ALK: variants seen among roughly 807,000 people sequenced by gnomAD.
ALK encodes the protein ALK receptor tyrosine kinase.
A neutral mutation model predicts 163.1 loss-of-function variants in ALK; 74 were observed. That is an observed-to-expected ratio of 0.45 (90% CI 0.38 to 0.55). ALK has a LOEUF of 0.55. Among genes scored for constraint, ALK ranks in the 20% least tolerant of loss-of-function variants. The pLI is 0.00. For missense variants in ALK, 2,063 were observed against 2,105.3 expected, an observed-to-expected ratio of 0.98 and a Z score of 0.39; for synonymous variants, 960 against 843.2, an observed-to-expected ratio of 1.14 and a Z score of -2.40.
chr2:29,193,489 A>G lies in ALK; in HGVS notation c.4598T>C (p.Leu1533Pro), dbSNP rs764298799. Residue 1533 changes from leucine (L) to proline (P), a missense_variant, in exon 29 of 29, where the codon CTG becomes CCG. Physicochemically the swap from Leu to Pro is moderately conservative, Grantham distance 98 (BLOSUM62 -3). This residue lies in a region of ALK where 403 missense variants were observed against 366.2 expected (regional missense o/e 1.10). Coordinates refer to ENST00000389048, the MANE Select transcript of ALK (RefSeq NM_004304.5). ...AKKEPHDRGN[L>P]GLEGSCTVPP... is the part of the protein sequence containing the mutation. The stretch of plus-strand genomic sequence containing the variant: ...GACAGTACAGCTTCCCTCCAGCCCC[A>G]GGTTACCCCTGTCGTGTGGCTCCTT... The G allele has an allele frequency of 6.2e-7, 1 of 1,614,130 alleles. No homozygotes were observed. Among genetic ancestry groups the G allele is most frequent in the South Asian group, 1.1e-5 (1 of 91,076 alleles).
intron 3 of ALK, among the ~76,000 whole-genome samples, chr2:29,613,763 A>C (rs1675761509): frequency 6.6e-6 from 1 of 152,256 alleles, no homozygotes; most frequent in Non-Finnish European, 1.5e-5. Context: ...CTGTCTGAAC[A>C]AAATGGCTTT....
At chr2:29,218,138 G>A (rs1336689733) in intron 23 of ALK, among the ~76,000 whole-genome samples, 2 of 152,192 alleles carry the variant, frequency 1.3e-5, no homozygotes, top group Non-Finnish European at 2.9e-5. Context: ...TTTGAAATCG[G>A]CCAAGGATCC....
intron 4 of ALK, among the ~76,000 whole-genome samples, chr2:29,502,730 T>A (rs1427592421): frequency 6.6e-6 from 1 of 152,150 alleles, no homozygotes; most frequent in Non-Finnish European, 1.5e-5. Flanking sequence ...AGTTTATGCC[T>A]CATCCTACAA....
At chr2:29,814,506 A>C (rs979575018) in intron 1 of ALK, among the ~76,000 whole-genome samples, 5 of 151,924 alleles carry the variant, frequency 3.3e-5, no homozygotes, top group African/African-American at 1.2e-4. Context: ...TAAAAATACA[A>C]AAAATTAGCT....
chr2:29,782,238 G>A (rs1419518702), intron 1 of ALK, among the ~76,000 whole-genome samples: 1 of 152,124 alleles, frequency 6.6e-6, no homozygotes, highest in Admixed American at 6.5e-5. Context: ...AGGATTCTCT[G>A]GAGTCAGGGA....
chr2:29,630,698 T>C (rs760672501), intron 3 of ALK, among the ~76,000 whole-genome samples: 1 of 152,136 alleles, frequency 6.6e-6, no homozygotes, highest in Non-Finnish European at 1.5e-5. Flanking sequence ...TAATGAAGAG[T>C]TATATTTTCA....
chr2:29,575,139 T>G (rs1674487795), intron 3 of ALK, among the ~76,000 whole-genome samples: 1 of 152,146 alleles, frequency 6.6e-6, no homozygotes, highest in Non-Finnish European at 1.5e-5. Flanking sequence ...GGTGAAAATT[T>G]TCATAGAACT....
intron 4 of ALK, among the ~76,000 whole-genome samples, chr2:29,490,948 T>C (rs976931823): frequency 3.3e-5 from 5 of 152,168 alleles, no homozygotes; most frequent in African/African-American, 1.2e-4. Flanking sequence ...ACTATAGTAG[T>C]AGTAAATTTT....
chr2:29,744,506 G>A lies in ALK; in HGVS notation c.668-26809C>T, dbSNP rs150922789. On this transcript the variant is annotated intron_variant, in intron 1 of 28. Transcript: ENST00000389048. The stretch of plus-strand genomic sequence containing the variant: ...TCTAGCTCGCTTGGGTCATTCAAAG[G>A]CTGGGGGCTGGAATCATCTGAAGGC... Among the ~76,000 whole-genome samples the A allele has an allele frequency of 2.4e-3, 372 of 152,238 alleles. 5 individuals are homozygous for A. The highest frequency in any genetic ancestry group is 1.2e-3 in the Non-Finnish European group (79 of 68,010).
chr2:29,330,046 A>G (rs1667393481), intron 5 of ALK, among the ~76,000 whole-genome samples: 1 of 152,200 alleles, frequency 6.6e-6, no homozygotes, highest in African/African-American at 2.4e-5. Context: ...GATAAGGCAG[A>G]GTTTGTCAGA....
Position 29,843,460 on chromosome 2 carries a change from G to A in ALK, c.667+76533C>T, listed in dbSNP as rs1665753662. ...AGGAGGAAGAAAAGAAGAAAGGGAG[G>A]CAGGAATGATGGCAGGAATTATGAA... On this transcript the variant is annotated intron_variant, in intron 1 of 28. Coordinates refer to ENST00000389048, the MANE Select transcript of ALK (RefSeq NM_004304.5). Among the ~76,000 whole-genome samples, 8 of 152,104 alleles carry A rather than the reference G, an allele frequency of 5.3e-5. No homozygotes were observed. The South Asian group carries it at 1.7e-3, about 32-fold the overall frequency.
Position 29,452,107 on chromosome 2 carries a change from G to A in ALK, c.1155-68248C>T, listed in dbSNP as rs536799987. 5.3e-5 allele frequency among the ~76,000 whole-genome samples: 8 copies of A among 152,216 alleles called. No individual in the cohort carries two copies. In the East Asian group the frequency reaches 1.2e-3, roughly 22 times the overall value. On this transcript the variant is annotated intron_variant, in intron 4 of 28. Coordinates refer to ENST00000389048, the MANE Select transcript of ALK (RefSeq NM_004304.5). ...AACGAAGGAGGTTGCACTGTGCTTC[G>A]AAAACGTCCCCACTCTCTACCCCAC...
At chr2:29,872,815 A>C (rs926826714) in intron 1 of ALK, among the ~76,000 whole-genome samples, 1 of 152,168 alleles carries the variant, frequency 6.6e-6, no homozygotes, top group Non-Finnish European at 1.5e-5. Flanking sequence ...CAATTTTCTA[A>C]TCTCTGCCAT....
intron 4 of ALK, among the ~76,000 whole-genome samples, chr2:29,491,598 T>C (rs1042936622): frequency 3.9e-5 from 6 of 152,226 alleles, no homozygotes; most frequent in African/African-American, 1.4e-4. Flanking sequence ...TCCGACAAAA[T>C]TGGAAAACAA....
At chr2:29,572,378 A>T (rs963131682) in intron 3 of ALK, among the ~76,000 whole-genome samples, 3 of 152,166 alleles carry the variant, frequency 2.0e-5, no homozygotes, top group African/African-American at 4.8e-5. Flanking sequence ...ATTGAACTCA[A>T]ACTCCTCAGC....
chr2:29,724,948 A>C (rs1679527202), intron 1 of ALK, among the ~76,000 whole-genome samples: 1 of 152,200 alleles, frequency 6.6e-6, no homozygotes, highest in South Asian at 2.1e-4. Context: ...TTGTACTGTC[A>C]AAAGTTATAG....
chr2:29,664,995 C>CTT (rs1377331896), intron 3 of ALK, among the ~76,000 whole-genome samples: 1 of 145,718 alleles, frequency 6.9e-6, no homozygotes, highest in Non-Finnish European at 1.5e-5. Flanking sequence ...CCTTTTTTTT[C>CTT]TTTTTTTCTT....
intron 3 of ALK, among the ~76,000 whole-genome samples, chr2:29,600,027 C>T (rs530336710): frequency 7.2e-4 from 109 of 152,204 alleles, no homozygotes; most frequent in African/African-American, 2.5e-3. Context: ...ACACAAGGGC[C>T]CAGAGCTCAC....
At chr2:29,194,470 A>G (rs999348251) in intron 28 of ALK, among the ~76,000 whole-genome samples, 2 of 152,066 alleles carry the variant, frequency 1.3e-5, no homozygotes, top group Non-Finnish European at 2.9e-5. Context: ...CCTGTGCCAC[A>G]TCATCACATG....
Sources: allele counts gnomAD v4.1 joint callset (sites outside exome capture counted in the v4.1 genomes callset), GRCh38; gene constraint gnomAD v4.1.1; regional missense constraint gnomAD v4.1.1; transcripts MANE v1.5; gene names NCBI Gene and HGNC (gene_info 2026-07-23, HGNC 2026-07-21).